Variants in ARB2A observed in about 807,000 individuals in gnomAD.
ARB2A encodes the protein cotranscriptional regulator ARB2A.
chr5:93,697,267 G>A, the ARB2A span, among the ~76,000 whole-genome samples: 1 of 151,650 alleles, frequency 6.6e-6, no homozygotes, highest in Non-Finnish European at 1.5e-5. Flanking sequence ...TTCCCTTTGG[G>A]TTTTGACCCT....
the ARB2A span, among the ~76,000 whole-genome samples, chr5:93,887,355 C>T: frequency 6.6e-6 from 1 of 150,864 alleles, no homozygotes; most frequent in Non-Finnish European, 1.5e-5. Context: ...AAAAGAAATA[C>T]ACTGAAATGT....
At chr5:94,103,285 C>CA in the ARB2A span, among the ~76,000 whole-genome samples, 2 of 152,064 alleles carry the variant, frequency 1.3e-5, no homozygotes, top group Non-Finnish European at 2.9e-5. Flanking sequence ...CTCTCACATG[C>CA]AATGACACCC....
At chr5:93,929,040 AC>A in the ARB2A span, among the ~76,000 whole-genome samples, 17 of 152,250 alleles carry the variant, frequency 1.1e-4, no homozygotes, top group East Asian at 3.3e-3. Context: ...ATTAAAAAAA[AC>A]AAAAGGTAGG....
At chr5:94,099,883 A>G in the ARB2A span, among the ~76,000 whole-genome samples, 5 of 152,256 alleles carry the variant, frequency 3.3e-5, no homozygotes, top group South Asian at 1.0e-3. Flanking sequence ...CCGGCACAAG[A>G]CAAGGATGCC....
the ARB2A span, among the ~76,000 whole-genome samples, chr5:93,769,748 T>C: frequency 1.3e-4 from 20 of 152,310 alleles, no homozygotes; most frequent in African/African-American, 4.6e-4. Context: ...TTCACTGCTA[T>C]GTCTCCAGCT....
chr5:93,678,385 T>C, the ARB2A span, among the ~76,000 whole-genome samples: 1 of 152,184 alleles, frequency 6.6e-6, no homozygotes. Flanking sequence ...GAACTACTGT[T>C]TGGTAAACTC....
the ARB2A span, among the ~76,000 whole-genome samples, chr5:93,933,625 G>T: frequency 6.6e-6 from 1 of 152,048 alleles, no homozygotes; most frequent in African/African-American, 2.4e-5. Context: ...ACACAAGGAG[G>T]GGAATATCAC....
At chr5:93,776,149 A>G in the ARB2A span, 1 of 1,597,788 alleles carries the variant, frequency 6.3e-7, no homozygotes, top group Admixed American at 1.8e-5. Flanking sequence ...ATCTCTCATC[A>G]AACACATACC....
the ARB2A span, among the ~76,000 whole-genome samples, chr5:93,837,458 T>G: frequency 6.6e-6 from 1 of 152,170 alleles, no homozygotes; most frequent in Non-Finnish European, 1.5e-5. Context: ...AGTAGAATGA[T>G]TTATATATCC....
chr5:93,813,733 C>T, the ARB2A span, among the ~76,000 whole-genome samples: 2 of 152,076 alleles, frequency 1.3e-5, no homozygotes, highest in African/African-American at 4.8e-5. Flanking sequence ...GTTTCCTAGC[C>T]TCCTGAACTG....
the ARB2A span, among the ~76,000 whole-genome samples, chr5:93,822,874 T>G: frequency 1.3e-5 from 2 of 152,142 alleles, no homozygotes; most frequent in African/African-American, 2.4e-5. Flanking sequence ...TTTATTGATC[T>G]TAAGACAGCA....
the ARB2A span, among the ~76,000 whole-genome samples, chr5:94,004,430 A>G: frequency 1.3e-5 from 2 of 151,970 alleles, no homozygotes; most frequent in African/African-American, 4.8e-5. Flanking sequence ...AAAATACACA[A>G]AATTAGCCAG....
At chr5:93,708,707 A>C in the ARB2A span, among the ~76,000 whole-genome samples, 1 of 151,914 alleles carries the variant, frequency 6.6e-6, no homozygotes, top group Admixed American at 6.6e-5. Flanking sequence ...GTACTGGTCC[A>C]TGGCCTCTGG....
chr5:93,997,223 C>G, the ARB2A span, among the ~76,000 whole-genome samples: 5 of 152,080 alleles, frequency 3.3e-5, no homozygotes, highest in African/African-American at 9.6e-5. Context: ...GTTGTTTGAG[C>G]ACCTTGTCAG....
At chr5:93,620,788 C>T in the ARB2A span, 4 of 572,386 alleles carry the variant, frequency 7.0e-6, no homozygotes, top group Admixed American at 4.3e-5. Context: ...GCAGGAAGCA[C>T]GACCAGTGAA....
At chr5:93,708,582 A>C in the ARB2A span, among the ~76,000 whole-genome samples, 1 of 152,178 alleles carries the variant, frequency 6.6e-6, no homozygotes, top group Non-Finnish European at 1.5e-5. Flanking sequence ...CGCTCCTATG[A>C]GAATCTAATG....
chr5:93,627,936 C>A, the ARB2A span, among the ~76,000 whole-genome samples: 1 of 151,554 alleles, frequency 6.6e-6, no homozygotes, highest in Non-Finnish European at 1.5e-5. Flanking sequence ...TTTTTCTGAG[C>A]AGTAGGTCTC....
At chr5:94,005,951 G>A in the ARB2A span, among the ~76,000 whole-genome samples, 4 of 152,164 alleles carry the variant, frequency 2.6e-5, no homozygotes, top group African/African-American at 9.7e-5. Flanking sequence ...AAATGGTACA[G>A]ACACTCTGGA....
At chr5:94,104,532 G>A in the ARB2A span, among the ~76,000 whole-genome samples, 2 of 151,654 alleles carry the variant, frequency 1.3e-5, no homozygotes, top group East Asian at 1.9e-4. Context: ...ACACCCAGAA[G>A]AAGTCCTGGA....
Sources: allele counts gnomAD v4.1 joint callset (sites outside exome capture counted in the v4.1 genomes callset), GRCh38; gene constraint gnomAD v4.1.1; transcripts MANE v1.5; gene names NCBI Gene and HGNC (gene_info 2026-07-23, HGNC 2026-07-21).